Variants in SH3PXD2A observed in about 807,000 individuals in gnomAD.
SH3PXD2A encodes the protein SH3 and PX domains 2A, also known as SH3 and PX domain-containing protein 2A.
In SH3PXD2A, 32 loss-of-function variants were observed where a neutral mutation model predicts 115.2. The observed-to-expected ratio is 0.28, with a 90% CI of 0.21 to 0.37. The LOEUF is 0.37. Among genes scored for constraint, SH3PXD2A ranks in the 10% least tolerant of loss-of-function variants. The pLI, the probability that SH3PXD2A is intolerant of heterozygous loss-of-function variation, is 1.00. For synonymous variants in SH3PXD2A, 610 were observed against 629.1 expected (o/e 0.97, Z 0.45); for missense variants, 1,328 against 1,498.7 (o/e 0.89, Z 1.88).
intron 8 of SH3PXD2A, among the ~76,000 whole-genome samples, chr10:103,635,288 A>G (rs987045835): frequency 1.3e-5 from 2 of 152,208 alleles, no homozygotes; most frequent in Non-Finnish European, 2.9e-5. Context: ...GTACAAAGGA[A>G]GCAGGATCTT....
chr10:103,622,600 G>A (rs565490741), intron 9 of SH3PXD2A, 47 bp from the exon 10 acceptor site: 28 of 1,222,508 alleles, frequency 2.3e-5, no homozygotes, highest in East Asian at 2.3e-4. Flanking sequence ...AGCAACCGGC[G>A]GAGAGAATGG....
intron 1 of SH3PXD2A, among the ~76,000 whole-genome samples, chr10:103,814,014 A>C (rs1449439177): frequency 1.5e-5 from 2 of 134,974 alleles, no homozygotes; most frequent in African/African-American, 5.8e-5. Context: ...AAAAAAAAAA[A>C]ACAACAAAAA....
In SH3PXD2A at chr10:103,665,534, C is replaced by A. The variant is rs921897496; in HGVS notation, c.472+3074G>T. On this transcript the variant is annotated intron_variant, in intron 7 of 14. Coordinates refer to ENST00000369774, the MANE Select transcript of SH3PXD2A (RefSeq NM_001394015.1). This position sits in a 1 kb window ranked among gnomAD's most constrained non-coding sequence, Gnocchi z 4.0. ...AGGCTGTGGGATGGACACACGGACA[C>A]TCTGTCCTTCTGGCTGCCCTTCCCT... Among the ~76,000 whole-genome samples the A allele has an allele frequency of 6.6e-6, 1 of 152,244 alleles. No homozygotes were observed. Among genetic ancestry groups the A allele is most frequent in the South Asian group, 2.1e-4 (1 of 4,830 alleles).
intron 8 of SH3PXD2A, among the ~76,000 whole-genome samples, chr10:103,637,423 T>C (rs925490703): frequency 5.3e-5 from 8 of 152,164 alleles, no homozygotes; most frequent in Admixed American, 4.6e-4. Context: ...ACTCATTCCA[T>C]GCCCAGGCCT....
At chr10:103,733,219 C>T (rs1032733162) in intron 4 of SH3PXD2A, among the ~76,000 whole-genome samples, 15 of 152,114 alleles carry the variant, frequency 9.9e-5, no homozygotes, top group African/African-American at 2.9e-4. Context: ...TCAATGGCTC[C>T]CCCAGCTACG....
intron 2 of SH3PXD2A, among the ~76,000 whole-genome samples, chr10:103,770,932 G>T (rs1433488809): frequency 1.3e-5 from 2 of 152,128 alleles, no homozygotes; most frequent in African/African-American, 4.8e-5. Flanking sequence ...TTATCTTGTT[G>T]TATTCTATGC....
chr10:103,671,844 C>T (rs1040865466), intron 6 of SH3PXD2A, among the ~76,000 whole-genome samples: 1 of 152,232 alleles, frequency 6.6e-6, no homozygotes, highest in Non-Finnish European at 1.5e-5. Context: ...TTCCTCCTGT[C>T]CCTGCCTTCA....
intron 6 of SH3PXD2A, among the ~76,000 whole-genome samples, chr10:103,682,691 AG>A (rs1031751964): frequency 3.2e-4 from 48 of 151,384 alleles, no homozygotes; most frequent in African/African-American, 1.1e-3. Context: ...TGGGAGGCAG[AG>A]GTTGCAGTGA....
At chr10:103,692,737 C>G (rs2037771921) in intron 6 of SH3PXD2A, among the ~76,000 whole-genome samples, 1 of 152,152 alleles carries the variant, frequency 6.6e-6, no homozygotes, top group Non-Finnish European at 1.5e-5. Context: ...TCACGAGCCA[C>G]CCACGCACTC....
chr10:103,822,729 A>G (rs1761910202), intron 1 of SH3PXD2A, among the ~76,000 whole-genome samples: 1 of 152,224 alleles, frequency 6.6e-6, no homozygotes. Flanking sequence ...CTCTCCAAGG[A>G]ACAATCCTCT....
chr10:103,809,716 G>A (rs942093740), intron 1 of SH3PXD2A, among the ~76,000 whole-genome samples: 3 of 122,662 alleles, frequency 2.4e-5, no homozygotes, highest in Admixed American at 1.2e-4. Context: ...AGAGAGTCTC[G>A]CTCTGTCATC....
At chr10:103,820,454 A>G (rs2039366960) in intron 1 of SH3PXD2A, among the ~76,000 whole-genome samples, 2 of 152,146 alleles carry the variant, frequency 1.3e-5, no homozygotes, top group East Asian at 3.9e-4. Context: ...TCCCGCCCCA[A>G]TTCCCCGGTT....
At chr10:103,844,168 C>T (rs1489943642) in intron 1 of SH3PXD2A, among the ~76,000 whole-genome samples, 2 of 152,222 alleles carry the variant, frequency 1.3e-5, no homozygotes, top group Non-Finnish European at 2.9e-5. Context: ...AGGCTCTGAC[C>T]AGCAGAAATC....
intron 2 of SH3PXD2A, among the ~76,000 whole-genome samples, chr10:103,797,719 G>T (rs370391524): frequency 1.3e-5 from 2 of 151,602 alleles, no homozygotes; most frequent in Non-Finnish European, 2.9e-5. Flanking sequence ...AATCTGGGAG[G>T]GGGTGGGGAG....
At chr10:103,854,838 C>A (rs1216800449) in intron 1 of SH3PXD2A, among the ~76,000 whole-genome samples, 2 of 152,062 alleles carry the variant, frequency 1.3e-5, no homozygotes, top group African/African-American at 4.8e-5. Context: ...GCCCAGGGCC[C>A]CTGGGGAGGG....
At chr10:103,805,756 G>A (rs1204846088) in intron 1 of SH3PXD2A, among the ~76,000 whole-genome samples, 1 of 152,234 alleles carries the variant, frequency 6.6e-6, no homozygotes, top group African/African-American at 2.4e-5. Flanking sequence ...GGGCGCAGTG[G>A]CTCATGCCTG....
chr10:103,671,346 C>T (rs140858538), intron 6 of SH3PXD2A, among the ~76,000 whole-genome samples: 111 of 152,228 alleles, frequency 7.3e-4, no homozygotes, highest in African/African-American at 2.3e-3. Context: ...ATTTATAAAA[C>T]GAAAAGGGGG....
At position 103,600,414 on chromosome 10, in the gene SH3PXD2A, T is replaced by C. The variant is rs1288046028; in HGVS notation, c.*1402A>G. On this transcript the variant is annotated 3_prime_UTR_variant, in exon 15 of 15. Coordinates refer to ENST00000369774, the MANE Select transcript of SH3PXD2A (RefSeq NM_001394015.1). ...TCCATCTTCTTGGGCACCTGTGGCA[T>C]TGCCAGCAGGCCAGAGGGGGTGGCT... 2 of 152,242 alleles carry C rather than the reference T, an allele frequency of 1.3e-5. No homozygotes were observed. The highest frequency in any genetic ancestry group is 1.9e-4 in the East Asian group (1 of 5,184). 9.4% of individuals were successfully genotyped at this position (152,242 alleles called of 1,614,324 possible).
chr10:103,651,813 C>T (rs1039457636), intron 8 of SH3PXD2A, among the ~76,000 whole-genome samples: 2 of 152,238 alleles, frequency 1.3e-5, no homozygotes, highest in African/African-American at 2.4e-5. Context: ...GTGGCCTTGA[C>T]CTCCCCAATA....
Sources: allele counts gnomAD v4.1 joint callset (sites outside exome capture counted in the v4.1 genomes callset), GRCh38; gene constraint gnomAD v4.1.1; non-coding constraint Gnocchi (gnomAD v3.1); transcripts MANE v1.5; gene names NCBI Gene and HGNC (gene_info 2026-07-23, HGNC 2026-07-21).